Variants in PI4KA observed in about 807,000 individuals in gnomAD.
PI4KA encodes the protein PI4-kinase alpha.
A neutral mutation model predicts 271.4 loss-of-function variants in PI4KA; 122 were observed. That is an observed-to-expected ratio of 0.45 (90% CI 0.39 to 0.52). PI4KA has a LOEUF of 0.52. Among genes scored for constraint, PI4KA ranks in the 20% least tolerant of loss-of-function variants. PI4KA has a pLI of 0.00. For missense variants in PI4KA, 1,969 were observed against 2,769.1 expected, an observed-to-expected ratio of 0.71 and a Z score of 6.48; for synonymous variants, 1,041 against 1,078.8, an observed-to-expected ratio of 0.96 and a Z score of 0.69.
At chr22:20,758,459 C>CTTTTTTTTTTTTTTTTTTT (rs35401829) in intron 23 of PI4KA, among the ~76,000 whole-genome samples, 12 of 84,990 alleles carry the variant, frequency 1.4e-4, no homozygotes, top group African/African-American at 1.9e-4. Flanking sequence ...TCTTTCTTTT[C>CTTTTTTTTTTTTTTTTTTT]TTTTTTTTTT....
intron 33 of PI4KA, 27 bp downstream of exon 33, chr22:20,734,368 A>G: frequency 1.3e-6 from 2 of 1,530,616 alleles, no homozygotes. Flanking sequence ...AGCACCCCAC[A>G]GCCTTCGTGG....
intron 23 of PI4KA, among the ~76,000 whole-genome samples, chr22:20,754,096 A>AT (rs1370379731): frequency 2.7e-5 from 4 of 149,760 alleles, no homozygotes; most frequent in African/African-American, 4.9e-5. Flanking sequence ...CCCTTTTTCT[A>AT]TTTTTTTTGA....
intron 3 of PI4KA, among the ~76,000 whole-genome samples, chr22:20,825,935 T>C (rs1463568165): frequency 3.9e-5 from 6 of 152,210 alleles, no homozygotes; most frequent in Admixed American, 2.6e-4. Flanking sequence ...TCTGTGTTCA[T>C]ATGTACTCGA....
intron 19 of PI4KA, among the ~76,000 whole-genome samples, chr22:20,785,548 G>A (rs1487416626): frequency 6.6e-6 from 1 of 152,184 alleles, no homozygotes; most frequent in African/African-American, 2.4e-5. Flanking sequence ...CTTAGGGATT[G>A]AGTAAGTTGA....
chr22:20,767,195 C>A (rs538192082), intron 19 of PI4KA, among the ~76,000 whole-genome samples: 1 of 152,124 alleles, frequency 6.6e-6, no homozygotes, highest in South Asian at 2.1e-4. Context: ...GTAATCCCAG[C>A]ACTTTGGGAG....
chr22:20,837,446 C>G (rs1025587329), intron 2 of PI4KA, among the ~76,000 whole-genome samples: 2 of 152,096 alleles, frequency 1.3e-5, no homozygotes, highest in Admixed American at 6.5e-5. Context: ...TTTATGTAAC[C>G]TTGATCAGGT....
rs866843052 is a variant in PI4KA, at chr22:20,727,818, G to A, written c.4729C>T (p.Arg1577Trp). Residue 1577 changes from arginine to tryptophan, a missense_variant, in exon 40 of 55, where the codon CGG (arginine) becomes TGG (tryptophan). Coordinates refer to ENST00000255882, the MANE Select transcript of PI4KA (RefSeq NM_058004.4). ...TCACTAACGGCTCCCGGGTCCAACCGAACGAGACGGGTCACTTCGTTCCCA... is the reference window on the plus strand; with the variant it reads ...TCACTAACGGCTCCCGGGTCCAACCAAACGAGACGGGTCACTTCGTTCCCA... ...AIGNEVTRLV[R>W]LDPGAVSDVP... is the part of the protein sequence containing the mutation. 1.4e-5 allele frequency: 22 copies of A among 1,613,950 alleles called. No homozygotes were observed. Among genetic ancestry groups the A allele is most frequent in the African/African-American group, 4.0e-5 (3 of 74,912 alleles).
chr22:20,844,775 C>A (rs920869453), intron 1 of PI4KA, among the ~76,000 whole-genome samples: 3 of 152,130 alleles, frequency 2.0e-5, no homozygotes, highest in Non-Finnish European at 4.4e-5. Flanking sequence ...TTAATCCTCA[C>A]AACAGCTCAT....
chr22:20,811,021 G>A lies in PI4KA; in HGVS notation c.1017C>T (p.Ile339=), dbSNP rs367740578. The A allele has an allele frequency of 1.4e-5, 23 of 1,612,696 alleles. No homozygotes were observed. Among genetic ancestry groups the A allele is most frequent in the Middle Eastern group, 1.6e-4 (1 of 6,078 alleles). Residue 339 remains isoleucine, a synonymous_variant, in exon 9 of 55, where the codon ATC becomes ATT. Transcript: ENST00000255882. ...LRELLNLVKK[I]VEEAVLKSLD... ...AAGATTTGAGAACAGCCTCCTCAAC[G>A]ATCTTCTTCACCTACCAAGGAAACA...
At chr22:20,746,598 C>G (rs1490051681) in intron 29 of PI4KA, among the ~76,000 whole-genome samples, 1 of 152,202 alleles carries the variant, frequency 6.6e-6, no homozygotes, top group African/African-American at 2.4e-5. Flanking sequence ...CACTTACAGT[C>G]TATGAGTTCC....
chr22:20,833,346 C>T (rs1924430146), intron 3 of PI4KA, among the ~76,000 whole-genome samples: 1 of 152,186 alleles, frequency 6.6e-6, no homozygotes, highest in Admixed American at 6.5e-5. Context: ...TAGTGGCAGC[C>T]TATTTGCTTG....
At chr22:20,780,140 T>A (rs1272742977) in intron 19 of PI4KA, 1 of 1,614,098 alleles carries the variant, frequency 6.2e-7, no homozygotes, top group Non-Finnish European at 8.5e-7. Flanking sequence ...TCATAAAAGA[T>A]GCTCTGGAGA....
rs536863803 is a variant in PI4KA at position 20,760,487 on chromosome 22, A to G, written c.2791+817T>C. On this transcript the variant is annotated intron_variant, in intron 23 of 54. Transcript: ENST00000255882. Reference sequence around the variant, plus strand: ...GGCTAAATACACTTTTGTAAAACTAATATTAGCCTTTTGCAATTTAAAAAA... The same window carrying G: ...GGCTAAATACACTTTTGTAAAACTAGTATTAGCCTTTTGCAATTTAAAAAA... 1.7e-3 allele frequency among the ~76,000 whole-genome samples: 261 copies of G among 152,282 alleles called. 2 individuals carry two copies. Among genetic ancestry groups the G allele is most frequent in the African/African-American group, 6.0e-3 (249 of 41,546 alleles).
rs150048729 is a variant in PI4KA at position 20,822,310 on chromosome 22, A to G, written c.457-1699T>C. Among the ~76,000 whole-genome samples the G allele has an allele frequency of 2.4e-3, 358 of 152,162 alleles. 5 individuals are homozygous for G. In the East Asian group the frequency reaches 0.055, roughly 24 times the overall value. On this transcript the variant is annotated intron_variant, in intron 4 of 54. Transcript: ENST00000255882. ...GATCCTCCTGCCTCAGCCTCCCAGA[A>G]TGTTGGGATTACAGGCGTGAGCCAC... is the stretch of plus-strand genomic sequence containing the variant.
chr22:20,842,410 T>C (rs1925673594), intron 1 of PI4KA, among the ~76,000 whole-genome samples: 1 of 152,226 alleles, frequency 6.6e-6, no homozygotes. Flanking sequence ...CTGTGGCAAT[T>C]TATTTACAGT....
intron 1 of PI4KA, among the ~76,000 whole-genome samples, chr22:20,849,481 T>C (rs1470883517): frequency 2.0e-5 from 3 of 152,176 alleles, no homozygotes; most frequent in East Asian, 3.8e-4. Context: ...ATATGGTATA[T>C]GCATACAAAT....
Position 20,712,628 on chromosome 22 carries a change from G to C in PI4KA, c.5677-17C>G. ...CACCCCGCACTAGGAGGAAAGGCCA[G>C]TTCTGAGGCCCGCTGGGTGCGAGGT... On this transcript the variant is annotated splice_polypyrimidine_tract_variant and intron_variant, in intron 49 of 54. Coordinates refer to ENST00000255882, the MANE Select transcript of PI4KA (RefSeq NM_058004.4). 2 of 1,574,310 alleles carry C rather than the reference G, an allele frequency of 1.3e-6. No individual in the cohort carries two copies. Among genetic ancestry groups the C allele is most frequent in the Non-Finnish European group, 1.7e-6 (2 of 1,158,138 alleles).
chr22:20,814,330 A>G (rs532372498), intron 7 of PI4KA, among the ~76,000 whole-genome samples: 2 of 152,204 alleles, frequency 1.3e-5, no homozygotes, highest in African/African-American at 4.8e-5. Context: ...TGACTGGGGG[A>G]AGGGGAAATG....
At chr22:20,839,581 C>A (rs1925298506) in intron 1 of PI4KA, among the ~76,000 whole-genome samples, 1 of 152,230 alleles carries the variant, frequency 6.6e-6, no homozygotes. Flanking sequence ...CCTGTAATCC[C>A]AGCACTTTGG....
Sources: gnomAD v4.1 joint callset for allele counts (sites outside exome capture counted in the v4.1 genomes callset) on GRCh38, gnomAD v4.1.1 for gene constraint, MANE v1.5 for transcripts, NCBI Gene and HGNC (gene_info 2026-07-23, HGNC 2026-07-21) for gene names.